NALF1: variants seen among roughly 807,000 people sequenced by gnomAD.
The protein encoded by NALF1 is NALCN channel auxiliary factor 1.
In NALF1, 3 loss-of-function variants were observed where a neutral mutation model predicts 48.4. That is an observed-to-expected ratio of 0.06 (90% CI 0.03 to 0.16). The LOEUF is 0.16. Among genes scored for constraint, NALF1 ranks in the 10% least tolerant of loss-of-function variants. The pLI is 1.00. For synonymous variants in NALF1, 262 were observed against 245.7 expected (o/e 1.07, Z -0.62); for missense variants, 526 against 571.5 (o/e 0.92, Z 0.81).
intron 1 of NALF1, among the ~76,000 whole-genome samples, chr13:107,434,315 A>T (rs1389488050): frequency 6.6e-6 from 1 of 152,200 alleles, no homozygotes; most frequent in South Asian, 2.1e-4. Flanking sequence ...TCATTGACAC[A>T]TAAGAAGTTA....
chr13:107,752,337 T>G (rs1186738509), intron 1 of NALF1, among the ~76,000 whole-genome samples: 1 of 152,136 alleles, frequency 6.6e-6, no homozygotes, highest in Non-Finnish European at 1.5e-5. Context: ...TTTGAAATTT[T>G]AAACTATTTA....
chr13:107,436,077 A>C (rs948432614), intron 1 of NALF1, among the ~76,000 whole-genome samples: 1 of 152,196 alleles, frequency 6.6e-6, no homozygotes, highest in Non-Finnish European at 1.5e-5. Flanking sequence ...GGCAAGACAC[A>C]CCAACGGCAA....
At chr13:107,660,214 C>T (rs4259919) in intron 1 of NALF1, among the ~76,000 whole-genome samples, 26,794 of 151,390 alleles carry the variant, frequency 0.18, 2,601 homozygotes, top group Middle Eastern at 0.36. Flanking sequence ...TCGAGGTGGA[C>T]GGATCACGAG....
intron 1 of NALF1, among the ~76,000 whole-genome samples, chr13:107,211,097 T>C (rs994993894): frequency 6.6e-6 from 1 of 152,232 alleles, no homozygotes; most frequent in Non-Finnish European, 1.5e-5. Flanking sequence ...TAATTGACTC[T>C]ATTGCTCTTC....
At chr13:107,548,297 T>A (rs1877188155) in intron 1 of NALF1, among the ~76,000 whole-genome samples, 1 of 152,146 alleles carries the variant, frequency 6.6e-6, no homozygotes, top group Non-Finnish European at 1.5e-5. Context: ...ACAAAAGGCA[T>A]AATCTCATTC....
chr13:107,211,775 A>T (rs1419506469), intron 1 of NALF1, among the ~76,000 whole-genome samples: 1 of 152,226 alleles, frequency 6.6e-6, no homozygotes, highest in Non-Finnish European at 1.5e-5. Context: ...AGTTAAAGGT[A>T]GCCTAAGAGA....
chr13:107,839,393 CTTA>C (rs1393483228), intron 1 of NALF1, among the ~76,000 whole-genome samples: 4 of 148,992 alleles, frequency 2.7e-5, no homozygotes, highest in Middle Eastern at 6.8e-3. Context: ...ATTTAAATCA[CTTA>C]TTATTTTATA....
chr13:107,273,962 T>C (rs1012351192), intron 1 of NALF1, among the ~76,000 whole-genome samples: 4 of 152,054 alleles, frequency 2.6e-5, no homozygotes, highest in Non-Finnish European at 5.9e-5. Context: ...TTCTGTAACA[T>C]CAAAAAAGTT....
intron 1 of NALF1, among the ~76,000 whole-genome samples, chr13:107,806,497 A>G (rs1878794685): frequency 6.6e-6 from 1 of 152,152 alleles, no homozygotes; most frequent in African/African-American, 2.4e-5. Flanking sequence ...ATGATAAGAA[A>G]ATATGATGAG....
intron 1 of NALF1, among the ~76,000 whole-genome samples, chr13:107,563,489 C>G (rs546644014): frequency 6.6e-6 from 1 of 152,294 alleles, no homozygotes; most frequent in South Asian, 2.1e-4. Context: ...AGTGCAAAAT[C>G]CTATTTGAGA....
At chr13:107,782,161 C>G (rs1026759181) in intron 1 of NALF1, among the ~76,000 whole-genome samples, 3 of 152,170 alleles carry the variant, frequency 2.0e-5, no homozygotes, top group African/African-American at 7.2e-5. Context: ...CTGCCTGATT[C>G]TCCTGCCTCA....
chr13:107,803,794 TA>T (rs1368854208), intron 1 of NALF1, among the ~76,000 whole-genome samples: 2 of 152,134 alleles, frequency 1.3e-5, no homozygotes, highest in African/African-American at 4.8e-5. Context: ...GCATCTGAAT[TA>T]ATTAATTTAA....
intron 1 of NALF1, among the ~76,000 whole-genome samples, chr13:107,733,221 C>G (rs1356371366): frequency 1.3e-5 from 2 of 152,172 alleles, no homozygotes; most frequent in Non-Finnish European, 2.9e-5. Context: ...CTTAAACTGT[C>G]TAGTCTGAGC....
intron 1 of NALF1, among the ~76,000 whole-genome samples, chr13:107,643,770 C>T (rs1050333610): frequency 6.6e-6 from 1 of 152,060 alleles, no homozygotes; most frequent in Non-Finnish European, 1.5e-5. Context: ...AGTACCATGC[C>T]TAATGCCAAA....
chr13:107,294,017 G>A (rs978405698), intron 1 of NALF1, among the ~76,000 whole-genome samples: 1 of 152,154 alleles, frequency 6.6e-6, no homozygotes, highest in African/African-American at 2.4e-5. Flanking sequence ...CTCTAGATGC[G>A]GAGAGCACTT....
chr13:107,411,425 C>A (rs992445513), intron 1 of NALF1, among the ~76,000 whole-genome samples: 1 of 151,818 alleles, frequency 6.6e-6, no homozygotes, highest in African/African-American at 2.4e-5. Flanking sequence ...GATACTCCCA[C>A]CTCGACCCCA....
At chr13:107,181,431 T>C (rs1927746) in intron 2 of NALF1, among the ~76,000 whole-genome samples, 83,529 of 151,278 alleles carry the variant, frequency 0.55, 23,525 homozygotes, top group Middle Eastern at 0.64. Context: ...TTTGTAATTG[T>C]ATTTTATATT....
At chr13:107,405,259 T>C (rs1883879003) in intron 1 of NALF1, among the ~76,000 whole-genome samples, 1 of 152,068 alleles carries the variant, frequency 6.6e-6, no homozygotes, top group Admixed American at 6.6e-5. Context: ...ATTAAATACT[T>C]TCAGAAAGGT....
intron 1 of NALF1, among the ~76,000 whole-genome samples, chr13:107,643,942 C>T (rs2138461026): frequency 6.7e-6 from 1 of 150,222 alleles, no homozygotes; most frequent in South Asian, 2.1e-4. Context: ...GAAACTCCTC[C>T]TGCCACTGAG....
Sources: allele counts gnomAD v4.1 joint callset (sites outside exome capture counted in the v4.1 genomes callset), GRCh38; gene constraint gnomAD v4.1.1; transcripts MANE v1.5; gene names NCBI Gene and HGNC (gene_info 2026-07-23, HGNC 2026-07-21).